CIMIP4: variants seen among roughly 807,000 people sequenced by gnomAD.
CIMIP4 encodes protein EAN57.
the CIMIP4 span, chr22:37,004,027 T>C: frequency 2.6e-6 from 4 of 1,545,008 alleles, no homozygotes; most frequent in Non-Finnish European, 2.6e-6. Flanking sequence ...AGCTTAGTCC[T>C]GTAAACAAAG....
chr22:36,991,653 C>T, the CIMIP4 span: 3 of 1,329,826 alleles, frequency 2.3e-6, no homozygotes, highest in Non-Finnish European at 3.3e-6. Flanking sequence ...TACTCCATGG[C>T]TTATATTGGG....
chr22:37,001,887 G>T, the CIMIP4 span: 10 of 1,611,006 alleles, frequency 6.2e-6, no homozygotes, highest in Non-Finnish European at 8.5e-6. Context: ...AACTTGTGGC[G>T]AATGTTGTTA....
At chr22:36,999,925 G>T in the CIMIP4 span, 9 of 1,613,964 alleles carry the variant, frequency 5.6e-6, no homozygotes, top group Non-Finnish European at 7.6e-6. Context: ...TCTGGGTCCT[G>T]CTGGGCCATG....
At chr22:36,999,563 G>A in the CIMIP4 span, among the ~76,000 whole-genome samples, 1 of 30,900 alleles carries the variant, frequency 3.2e-5, no homozygotes, top group Non-Finnish European at 5.8e-5. Context: ...AAGGGGAGGG[G>A]AGGGGGGAGG....
chr22:37,002,985 C>A, the CIMIP4 span, among the ~76,000 whole-genome samples: 1 of 152,226 alleles, frequency 6.6e-6, no homozygotes, highest in Admixed American at 6.5e-5. Context: ...TTGCTCTCAG[C>A]CTTCAGTGTC....
At chr22:37,003,589 C>T in the CIMIP4 span, among the ~76,000 whole-genome samples, 1 of 152,202 alleles carries the variant, frequency 6.6e-6, no homozygotes, top group Non-Finnish European at 1.5e-5. Flanking sequence ...GCTACACTAC[C>T]CCTGCTCTTG....
At chr22:36,995,210 G>C in the CIMIP4 span, among the ~76,000 whole-genome samples, 2 of 152,182 alleles carry the variant, frequency 1.3e-5, no homozygotes, top group Admixed American at 6.5e-5. Flanking sequence ...TGGATACCTG[G>C]ACACAGAGGG....
At chr22:36,999,590 T>TGGGGG in the CIMIP4 span, among the ~76,000 whole-genome samples, 1 of 6,806 alleles carries the variant, frequency 1.5e-4, no homozygotes, top group Non-Finnish European at 2.4e-4. Context: ...GAGGGGGGGA[T>TGGGGG]GGGAGGGGAG....
the CIMIP4 span, among the ~76,000 whole-genome samples, chr22:36,997,733 C>T: frequency 1.3e-5 from 2 of 152,336 alleles, no homozygotes; most frequent in East Asian, 1.9e-4. Context: ...CTTAAAATCC[C>T]GGCTTGGTTT....
At chr22:37,003,990 C>G in the CIMIP4 span, 2 of 1,549,858 alleles carry the variant, frequency 1.3e-6, no homozygotes, top group Non-Finnish European at 1.7e-6. Context: ...AGCTCCATAG[C>G]CTCTTGCTGT....
chr22:37,004,156 C>G, the CIMIP4 span: 5 of 766,840 alleles, frequency 6.5e-6, no homozygotes, highest in Admixed American at 5.9e-5. Context: ...CCTAAGCTGC[C>G]CCTGGTGCCC....
the CIMIP4 span, among the ~76,000 whole-genome samples, chr22:37,003,035 C>T: frequency 6.6e-6 from 1 of 152,242 alleles, no homozygotes; most frequent in African/African-American, 2.4e-5. Context: ...CAGATTACAG[C>T]TGTAAATATG....
the CIMIP4 span, among the ~76,000 whole-genome samples, chr22:36,994,359 A>G: frequency 0.65 from 98,882 of 151,358 alleles, 33,161 homozygotes; most frequent in African/African-American, 0.81. Flanking sequence ...TTGCTCTGTC[A>G]CCAGGCTGGA....
chr22:36,998,518 G>A, the CIMIP4 span, among the ~76,000 whole-genome samples: 1 of 152,186 alleles, frequency 6.6e-6, no homozygotes, highest in Admixed American at 6.5e-5. Flanking sequence ...GCCCCTGCGT[G>A]CTGTGACAGG....
the CIMIP4 span, among the ~76,000 whole-genome samples, chr22:36,998,269 A>C: frequency 6.6e-6 from 1 of 152,224 alleles, no homozygotes; most frequent in Admixed American, 6.5e-5. Context: ...GAGAACAAGC[A>C]GAACTGTATT....
chr22:36,991,276 C>T, the CIMIP4 span: 4 of 1,613,958 alleles, frequency 2.5e-6, no homozygotes, highest in Admixed American at 6.7e-5. Flanking sequence ...GTGCCACCGC[C>T]CTACAGCGAG....
chr22:37,002,287 G>A, the CIMIP4 span: 3 of 1,430,876 alleles, frequency 2.1e-6, no homozygotes, highest in Non-Finnish European at 2.8e-6. Context: ...GATGGGCCCT[G>A]GTGAAAGTGG....
At chr22:36,999,536 GGGAGGGGAGGGGAGAGAA>G in the CIMIP4 span, among the ~76,000 whole-genome samples, 1 of 39,444 alleles carries the variant, frequency 2.5e-5, no homozygotes, top group Non-Finnish European at 4.5e-5. Context: ...GGGAGGGGAG[GGGAGGGGAGGGGAGAGAA>G]GGGGAGGGGA....
At chr22:37,003,410 C>T in the CIMIP4 span, among the ~76,000 whole-genome samples, 1 of 152,212 alleles carries the variant, frequency 6.6e-6, no homozygotes, top group Admixed American at 6.5e-5. Flanking sequence ...CCCTGGGGAC[C>T]ATTCTCAGAG....
Sources: allele counts gnomAD v4.1 joint callset (sites outside exome capture counted in the v4.1 genomes callset), GRCh38; gene constraint gnomAD v4.1.1; transcripts MANE v1.5; gene names NCBI Gene and HGNC (gene_info 2026-07-23, HGNC 2026-07-21).